The following YBEY variants were observed in gnomAD, a reference collection of about 807,000 sequenced individuals.
YBEY encodes the protein ybeY metalloendoribonuclease.
In YBEY, 15 loss-of-function variants were observed where a neutral mutation model predicts 13.5. The observed-to-expected ratio is 1.11, with a 90% CI of 0.75 to 1.72. The LOEUF (loss-of-function observed/expected upper bound fraction) is 1.72, where lower values mean the gene tolerates loss of function less well. YBEY is among the 40% of genes most tolerant of loss of function. The probability of loss-of-function intolerance (pLI) is 0.00; values close to 1 mark genes in which losing one functional copy is unlikely to be tolerated. For missense variants in YBEY, 244 were observed against 208.4 expected (o/e 1.17, Z -1.05); for synonymous variants, 101 against 83.1 (o/e 1.21, Z -1.17).
In YBEY at chr21:46,292,739, T is replaced by C. The variant is rs370631028; in HGVS notation, c.339+1277T>C. 2.6e-3 allele frequency among the ~76,000 whole-genome samples: 186 copies of C among 71,090 alleles called. No individual in the cohort carries two copies. In the East Asian group the frequency reaches 0.03, roughly 11 times the overall value. 46.6% of individuals were successfully genotyped at this position (71,090 alleles called of 152,430 possible). Reference sequence around the variant, plus strand: ...CTCTAGATTAAATTCCTCCCGCGGTTAGCCTGACCCGTGCCCGGGACTCAG... The same window carrying C: ...CTCTAGATTAAATTCCTCCCGCGGTCAGCCTGACCCGTGCCCGGGACTCAG... On this transcript the variant is annotated intron_variant, in intron 3 of 4. Coordinates refer to ENST00000397701, the MANE Select transcript of YBEY (RefSeq NM_001314025.2).
At chr21:46,311,480 G>A in the YBEY span, 1 of 1,605,686 alleles carries the variant, frequency 6.2e-7, no homozygotes, top group African/African-American at 1.3e-5. Context: ...CCTGACCGTT[G>A]AGTAGGGAAG....
downstream of YBEY, chr21:46,300,440 A>C (rs542473963): frequency 3.0e-4 from 62 of 209,998 alleles, 1 homozygote; most frequent in East Asian, 7.2e-3. Context: ...TCAAAAAAAA[A>C]CATTTTTAAT....
chr21:46,301,856 G>A (rs2145878258), downstream of YBEY: 2 of 1,274,028 alleles, frequency 1.6e-6, no homozygotes, highest in East Asian at 3.1e-5. Context: ...TCCCCAGGAG[G>A]AGCCTGCAGT....
At chr21:46,299,483 A>C (rs2082056484), downstream of YBEY, among the ~76,000 whole-genome samples, 4 of 152,024 alleles carry the variant, frequency 2.6e-5, no homozygotes, top group Admixed American at 2.6e-4. Context: ...TGCAAGCCAG[A>C]GTGTCGTCAG....
the YBEY span, among the ~76,000 whole-genome samples, chr21:46,303,514 T>C: frequency 2.0e-5 from 3 of 150,368 alleles, no homozygotes; most frequent in South Asian, 6.4e-4. Context: ...GAAAGAAAAA[T>C]GGGCAAATTA....
intron 3 of YBEY, chr21:46,291,969 C>G (rs774900667): frequency 6.0e-6 from 3 of 499,600 alleles, no homozygotes; most frequent in Non-Finnish European, 7.8e-6. Flanking sequence ...AACTCAATCT[C>G]CCAGAGAACT....
In YBEY at chr21:46,287,100, G is replaced by A. The variant is rs2081467901; in HGVS notation, c.187G>A (p.Val63Met). The change falls in exon 2 of 5, where the codon GTG (valine) becomes ATG (methionine). Residue 63 changes from valine (V) to methionine (M), a missense_variant. Coordinates refer to ENST00000397701, the MANE Select transcript of YBEY (RefSeq NM_001314025.2). ...IYRDRNVPTD[V>M]LSFPFHEHLK... Reference sequence around the variant, plus strand: ...CAGAGATAGAAATGTCCCAACCGATGTGCTTTCTTTTCCATTTCATGAGGT... The same window carrying A: ...CAGAGATAGAAATGTCCCAACCGATATGCTTTCTTTTCCATTTCATGAGGT... 4 of 1,599,784 alleles carry A rather than the reference G, an allele frequency of 2.5e-6. No homozygotes were observed. In the East Asian group the frequency reaches 9.0e-5, roughly 36 times the overall value.
the YBEY span, among the ~76,000 whole-genome samples, chr21:46,302,902 G>A: frequency 1.1e-5 from 1 of 88,192 alleles, no homozygotes; most frequent in Non-Finnish European, 2.2e-5. Flanking sequence ...TCCCCGGGGC[G>A]CGCCCTGAGC....
rs373749634 is a variant in YBEY at position 46,286,953 on chromosome 21, A to G, written c.40A>G (p.Ile14Val). The G allele has an allele frequency of 2.5e-6, 4 of 1,613,984 alleles. No individual in the cohort carries two copies. The highest frequency in any genetic ancestry group is 3.4e-6 in the Non-Finnish European group (4 of 1,180,024). The change falls in exon 2 of 5, where the codon ATC becomes GTC. Residue 14 changes from isoleucine to valine, a missense_variant. Coordinates refer to ENST00000397701, the MANE Select transcript of YBEY (RefSeq NM_001314025.2). ...TAGAAATCTGCAGCGAGTCATCCCC[A>G]TCAGGAGAGCGCCACTTCGCAGTAA... ...VIRNLQRVIPIRRAPLRSKIE... is the reference protein window; with the variant it reads ...VIRNLQRVIPVRRAPLRSKIE...
downstream of YBEY, chr21:46,302,123 C>G: frequency 6.6e-7 from 1 of 1,519,832 alleles, no homozygotes; most frequent in Non-Finnish European, 8.8e-7. Flanking sequence ...CCTGGCAGCT[C>G]GTGGGACCCT....
At chr21:46,290,647 G>A (rs965746377) in intron 2 of YBEY, among the ~76,000 whole-genome samples, 6 of 152,010 alleles carry the variant, frequency 3.9e-5, no homozygotes, top group African/African-American at 1.2e-4. Flanking sequence ...AGTGGCTCAC[G>A]CCTGTAATCC....
At chr21:46,297,207 G>A (rs991926229) in intron 4 of YBEY, among the ~76,000 whole-genome samples, 1 of 152,188 alleles carries the variant, frequency 6.6e-6, no homozygotes, top group African/African-American at 2.4e-5. Context: ...GCTGAGGCAG[G>A]AGAATCGCTT....
intron 2 of YBEY, among the ~76,000 whole-genome samples, chr21:46,288,436 G>C (rs2081556339): frequency 6.6e-6 from 1 of 152,220 alleles, no homozygotes; most frequent in African/African-American, 2.4e-5. Flanking sequence ...CCAGCACTTT[G>C]GGAGGCCGAG....
At chr21:46,291,928 T>C (rs1363230813) in intron 3 of YBEY, 1 of 752,528 alleles carries the variant, frequency 1.3e-6, no homozygotes, top group Non-Finnish European at 1.6e-6. Context: ...AACACAGAGC[T>C]AGCCAAGCAG....
At chr21:46,311,410 T>G in the YBEY span, 7 of 1,153,978 alleles carry the variant, frequency 6.1e-6, no homozygotes, top group Non-Finnish European at 8.6e-6. Flanking sequence ...TCCCTTTCAG[T>G]AGATAATTTC....
At chr21:46,312,808 G>A in the YBEY span, among the ~76,000 whole-genome samples, 15 of 152,326 alleles carry the variant, frequency 9.8e-5, no homozygotes, top group East Asian at 2.5e-3. Flanking sequence ...CATCCCAACA[G>A]GCGTTCTCAA....
At chr21:46,297,349 C>G (rs1229620444) in intron 4 of YBEY, among the ~76,000 whole-genome samples, 190 bp from the exon 5 acceptor site, 1 of 148,236 alleles carries the variant, frequency 6.7e-6, no homozygotes, top group Non-Finnish European at 1.5e-5. Flanking sequence ...TGTGGCGGTT[C>G]GTGCACTCGC....
At chr21:46,309,021 T>C in the YBEY span, among the ~76,000 whole-genome samples, 1 of 152,218 alleles carries the variant, frequency 6.6e-6, no homozygotes, top group Non-Finnish European at 1.5e-5. Context: ...CTTTTCTCTA[T>C]AAATTACCCA....
intron 3 of YBEY, among the ~76,000 whole-genome samples, chr21:46,294,154 CTGTGCCCGGGACT>C (rs1282175973): frequency 0.01 from 6 of 580 alleles, 1 homozygote; most frequent in Non-Finnish European, 0.022. Context: ...TTAGCCTGAC[CTGTGCCCGGGACT>C]CAGTGGAGTC....
Sources: gnomAD v4.1 joint callset for allele counts (sites outside exome capture counted in the v4.1 genomes callset) on GRCh38, gnomAD v4.1.1 for gene constraint, MANE v1.5 for transcripts, NCBI Gene and HGNC (gene_info 2026-07-23, HGNC 2026-07-21) for gene names.